The following RGS5 variants were observed in gnomAD, a reference collection of about 807,000 sequenced individuals.
RGS5 encodes the protein regulator of G-protein signalling 5.
Under a neutral mutation model 18.9 loss-of-function variants are expected in RGS5, and 20 were observed. The observed-to-expected ratio is 1.06, with a 90% CI of 0.74 to 1.54. The LOEUF is 1.54. Ranked by LOEUF, RGS5 falls within the 40% of genes most tolerant of loss-of-function variation. RGS5 has a pLI of 0.00. For synonymous variants in RGS5, 57 were observed against 76.2 expected, an observed-to-expected ratio of 0.75 and a Z score of 1.31; for missense variants, 201 against 211.8, an observed-to-expected ratio of 0.95 and a Z score of 0.32.
At chr1:163,166,005 T>C (rs1658030358) in intron 2 of RGS5, among the ~76,000 whole-genome samples, 1 of 150,912 alleles carries the variant, frequency 6.6e-6, no homozygotes, top group Non-Finnish European at 1.5e-5. Flanking sequence ...TCGGGTGAGG[T>C]AGTAAGGTTG....
chr1:163,231,899 T>C (rs56291740), intron 2 of RGS5, among the ~76,000 whole-genome samples: 11,357 of 152,124 alleles, frequency 0.075, 579 homozygotes, highest in Non-Finnish European at 0.11. Flanking sequence ...CTCCTACTAC[T>C]ACAGTAGTTG....
intron 4 of RGS5, among the ~76,000 whole-genome samples, chr1:163,148,494 C>T (rs895302950): frequency 6.6e-6 from 1 of 152,182 alleles, no homozygotes; most frequent in Non-Finnish European, 1.5e-5. Flanking sequence ...TCTTATAACT[C>T]TATGAGGTAT....
intron 2 of RGS5, among the ~76,000 whole-genome samples, chr1:163,232,394 C>T (rs1647505292): frequency 6.6e-6 from 1 of 152,136 alleles, no homozygotes; most frequent in Non-Finnish European, 1.5e-5. Flanking sequence ...TCACCACACT[C>T]TTAAAGATAA....
At chr1:163,255,626 C>T (rs35999417) in intron 2 of RGS5, among the ~76,000 whole-genome samples, 27,970 of 148,972 alleles carry the variant, frequency 0.19, 2,788 homozygotes, top group Non-Finnish European at 0.24. Context: ...CCAGCATCAT[C>T]CTGATACCAA....
intron 2 of RGS5, among the ~76,000 whole-genome samples, chr1:163,235,792 GCTTT>G: frequency 6.6e-6 from 1 of 152,154 alleles, no homozygotes; most frequent in East Asian, 1.9e-4. Flanking sequence ...AACTTTGTGA[GCTTT>G]CTATTATCTA....
intron 2 of RGS5, among the ~76,000 whole-genome samples, chr1:163,250,456 T>C (rs776373001): frequency 2.0e-5 from 3 of 152,218 alleles, no homozygotes; most frequent in African/African-American, 7.2e-5. Context: ...GGCATTATAA[T>C]TGAGTCATTA....
chr1:163,180,686 G>GTTTTTTTTTTC (rs1658783559), intron 1 of RGS5, among the ~76,000 whole-genome samples: 1 of 61,964 alleles, frequency 1.6e-5, no homozygotes, highest in African/African-American at 7.1e-5. Context: ...CCCTTACCCT[G>GTTTTTTTTTTC]TTTTTTTTTT....
rs1253259918 is a variant in RGS5, at chr1:163,146,580, T to C, written c.*762A>G. On this transcript the variant is annotated 3_prime_UTR_variant, in exon 5 of 5. Coordinates refer to ENST00000313961, the MANE Select transcript of RGS5 (RefSeq NM_003617.4). The stretch of plus-strand genomic sequence containing the variant: ...ACATTTGACCCACAGTCTAGCAGCA[T>C]AAATACATTTATAAAATACTTCATT... 1 of 152,212 alleles carries C rather than the reference T, an allele frequency of 6.6e-6. No homozygotes were observed. The highest frequency in any genetic ancestry group is 1.5e-5 in the Non-Finnish European group (1 of 68,030). 9.4% of individuals were successfully genotyped at this position (152,212 alleles called of 1,614,324 possible).
At chr1:163,211,499 T>G (rs1272161612) in intron 1 of RGS5, 3 of 152,194 alleles carry the variant, frequency 2.0e-5, no homozygotes, top group African/African-American at 7.2e-5. Context: ...TTTAGAAAGA[T>G]TCTCACTAGC....
chr1:163,293,948 A>G (rs1176696134), intron 2 of RGS5, among the ~76,000 whole-genome samples: 2 of 152,336 alleles, frequency 1.3e-5, no homozygotes, highest in East Asian at 3.9e-4. Context: ...CATCCAGGGC[A>G]CAGTGATACA....
chr1:163,273,693 C>T (rs1451805214), intron 2 of RGS5, among the ~76,000 whole-genome samples: 1 of 152,068 alleles, frequency 6.6e-6, no homozygotes, highest in African/African-American at 2.4e-5. Flanking sequence ...TTTATATGAA[C>T]TGTTATTTTT....
At chr1:163,302,765 C>T (rs12088219) in intron 2 of RGS5, among the ~76,000 whole-genome samples, 1,816 of 152,262 alleles carry the variant, frequency 0.012, 31 homozygotes, top group African/African-American at 0.04. Flanking sequence ...TTCACTCTAC[C>T]GGAAATGACC....
At chr1:163,223,946 C>T (rs1426305378) in intron 2 of RGS5, among the ~76,000 whole-genome samples, 2 of 151,966 alleles carry the variant, frequency 1.3e-5, no homozygotes, top group Non-Finnish European at 2.9e-5. Flanking sequence ...ACATAATAAT[C>T]GTACATATTT....
intron 2 of RGS5, among the ~76,000 whole-genome samples, chr1:163,163,127 G>A (rs1465275454): frequency 2.6e-5 from 4 of 152,030 alleles, no homozygotes; most frequent in South Asian, 4.1e-4. Context: ...TGTCCCAGGC[G>A]CAGAATCAGC....
chr1:163,218,705 A>T (rs1557909331), upstream of RGS5, among the ~76,000 whole-genome samples: 1 of 152,174 alleles, frequency 6.6e-6, no homozygotes, highest in Non-Finnish European at 1.5e-5. Context: ...GGCATAAAAA[A>T]GGTTAGGAAA....
At chr1:163,162,362 T>A (rs138784453) in intron 2 of RGS5, among the ~76,000 whole-genome samples, 1 of 152,214 alleles carries the variant, frequency 6.6e-6, no homozygotes, top group African/African-American at 2.4e-5. Flanking sequence ...ACTCCTGTTC[T>A]CTGCCTCACC....
intron 2 of RGS5, among the ~76,000 whole-genome samples, chr1:163,283,225 A>G (rs1445099507): frequency 6.6e-6 from 1 of 152,202 alleles, no homozygotes; most frequent in Non-Finnish European, 1.5e-5. Context: ...GTAACACTGC[A>G]GGGAGAATAT....
intron 2 of RGS5, among the ~76,000 whole-genome samples, chr1:163,285,560 AAAAC>A (rs1473124390): frequency 4.0e-5 from 5 of 124,542 alleles, no homozygotes; most frequent in African/African-American, 1.0e-4. Flanking sequence ...AAAACAAAAC[AAAAC>A]AAACAACAAC....
intron 2 of RGS5, among the ~76,000 whole-genome samples, chr1:163,162,414 T>C (rs928374123): frequency 1.3e-5 from 2 of 152,142 alleles, no homozygotes; most frequent in African/African-American, 2.4e-5. Flanking sequence ...GCAGAGGGCA[T>C]TGGGGTTCCA....
Sources: gnomAD v4.1 joint callset for allele counts (sites outside exome capture counted in the v4.1 genomes callset) on GRCh38, gnomAD v4.1.1 for gene constraint, MANE v1.5 for transcripts, NCBI Gene and HGNC (gene_info 2026-07-23, HGNC 2026-07-21) for gene names.